HMBOX1: variants seen among roughly 807,000 people sequenced by gnomAD.
HMBOX1 encodes homeobox containing 1.
In HMBOX1, 14 loss-of-function variants were observed where a neutral mutation model predicts 54.5. The observed-to-expected ratio is 0.26, with a 90% CI of 0.17 to 0.40. The LOEUF (loss-of-function observed/expected upper bound fraction) is 0.40, where lower values mean the gene tolerates loss of function less well. Ranked by LOEUF, HMBOX1 falls within the 10% of genes least tolerant of loss-of-function variation. The pLI is 1.00. For synonymous variants in HMBOX1, 160 were observed against 181.0 expected (o/e 0.88, Z 0.93); for missense variants, 332 against 514.4 (o/e 0.65, Z 3.43).
At chr8:28,955,562 A>G (rs1458243998) in intron 1 of HMBOX1, among the ~76,000 whole-genome samples, 1 of 151,900 alleles carries the variant, frequency 6.6e-6, no homozygotes, top group African/African-American at 2.4e-5. Flanking sequence ...ACTTGATAAA[A>G]CTCTAATTCT....
chr8:29,017,764 G>T (rs556962565), intron 5 of HMBOX1, among the ~76,000 whole-genome samples: 3 of 152,240 alleles, frequency 2.0e-5, no homozygotes, highest in Admixed American at 2.0e-4. Context: ...TTAAGAAGGG[G>T]ATCTACAATA....
chr8:28,965,243 G>T (rs139997681), intron 2 of HMBOX1, among the ~76,000 whole-genome samples: 1 of 152,324 alleles, frequency 6.6e-6, no homozygotes, highest in Non-Finnish European at 1.5e-5. Flanking sequence ...GTGATCTCCA[G>T]TTTTCTCATT....
intron 4 of HMBOX1, among the ~76,000 whole-genome samples, chr8:28,991,853 A>G (rs145475103): frequency 6.6e-6 from 1 of 152,184 alleles, no homozygotes; most frequent in African/African-American, 2.4e-5. Context: ...ACTAGCCTGC[A>G]CCCTCTTAGC....
intron 5 of HMBOX1, among the ~76,000 whole-genome samples, chr8:29,011,362 T>C (rs970696719): frequency 4.6e-5 from 7 of 152,372 alleles, no homozygotes; most frequent in Admixed American, 1.3e-4. Flanking sequence ...CCACCAGATC[T>C]TTTCTTTGCA....
intron 6 of HMBOX1, among the ~76,000 whole-genome samples, chr8:29,042,229 A>C (rs947196974): frequency 3.3e-5 from 5 of 152,162 alleles, no homozygotes; most frequent in African/African-American, 1.2e-4. Context: ...GCAGGAAAGA[A>C]AGGAGAGTTG....
In HMBOX1 at chr8:28,919,083, A is replaced by G. The variant is rs1030169681; in HGVS notation, c.-58+28405A>G. Among the ~76,000 whole-genome samples, 4 of 152,192 alleles carry G rather than the reference A, an allele frequency of 2.6e-5. No homozygotes were observed. The South Asian group carries it at 8.3e-4, about 31-fold the overall frequency. The stretch of plus-strand genomic sequence containing the variant: ...TGACTGCTCAGTGTTCATGTCATAA[A>G]TTTTTCTCCATTGGTGAAGGATTAA... On this transcript the variant is annotated intron_variant, in intron 1 of 9. Transcript: ENST00000287701.
intron 6 of HMBOX1, among the ~76,000 whole-genome samples, chr8:29,043,714 A>G (rs148475101): frequency 6.6e-6 from 1 of 152,336 alleles, no homozygotes; most frequent in African/African-American, 2.4e-5. Flanking sequence ...AGATTCTGCC[A>G]TTCTAACTGG....
intron 1 of HMBOX1, among the ~76,000 whole-genome samples, chr8:28,941,098 ACCTAAGCCTAGT>A (rs1424097810): frequency 7.2e-5 from 11 of 152,198 alleles, no homozygotes; most frequent in Admixed American, 3.3e-4. Context: ...AAGAAAAATT[ACCTAAGCCTAGT>A]CCTCATATTT....
At position 28,970,323 on chromosome 8, in the gene HMBOX1, A is replaced by G. The variant is rs1361344936; in HGVS notation, c.304A>G (p.Ser102Gly). 1 of 1,614,200 alleles carries G rather than the reference A, an allele frequency of 6.2e-7. No homozygotes were observed. Among genetic ancestry groups the G allele is most frequent in the Non-Finnish European group, 8.5e-7 (1 of 1,180,018 alleles). The change falls in exon 3 of 10, where the codon AGC becomes GGC. Residue 102 changes from serine to glycine, a missense_variant. This residue lies in a region of HMBOX1 where 146 missense variants were observed against 173.3 expected (regional missense o/e 0.84). Coordinates refer to ENST00000287701, the MANE Select transcript of HMBOX1 (RefSeq NM_001135726.3). This position sits in a 1 kb window ranked among gnomAD's most constrained non-coding sequence, Gnocchi z 4.3. ...TQHSGMSPSP[S>G]NSYDTSPQPC... ...GCATTCGGGAATGTCCCCGTCACCT[A>G]GCAACAGTTATGATACTTCCCCACA...
intron 1 of HMBOX1, among the ~76,000 whole-genome samples, chr8:28,900,114 C>T (rs946942983): frequency 1.3e-5 from 2 of 150,978 alleles, no homozygotes; most frequent in Non-Finnish European, 3.0e-5. Context: ...AGCTGGGCAT[C>T]ATGGCGCGCC....
At chr8:28,909,156 G>T (rs1230432649) in intron 1 of HMBOX1, among the ~76,000 whole-genome samples, 1 of 151,726 alleles carries the variant, frequency 6.6e-6, no homozygotes, top group Non-Finnish European at 1.5e-5. Context: ...GCATTTGAAA[G>T]CATGTTTATG....
intron 1 of HMBOX1, among the ~76,000 whole-genome samples, chr8:28,944,037 G>A (rs550208259): frequency 2.0e-5 from 3 of 152,124 alleles, no homozygotes; most frequent in South Asian, 4.1e-4. Flanking sequence ...TTTCTCTAGC[G>A]CTGACTTTCT....
At chr8:29,046,933 A>G (rs1016619163) in intron 7 of HMBOX1, among the ~76,000 whole-genome samples, 1 of 152,298 alleles carries the variant, frequency 6.6e-6, no homozygotes, top group Non-Finnish European at 1.5e-5. Context: ...AGTGAGCTAT[A>G]ATTGCACCAC....
intron 1 of HMBOX1, among the ~76,000 whole-genome samples, chr8:28,928,863 A>G (rs1183246698): frequency 6.6e-6 from 1 of 152,224 alleles, no homozygotes; most frequent in Non-Finnish European, 1.5e-5. Flanking sequence ...GAAATAGAAT[A>G]GAAGGGAAAG....
At chr8:29,007,194 C>T (rs1052356222) in intron 4 of HMBOX1, among the ~76,000 whole-genome samples, 4 of 151,530 alleles carry the variant, frequency 2.6e-5, no homozygotes, top group East Asian at 2.0e-4. Flanking sequence ...GAGGCTGAGG[C>T]GGGGGAATCG....
At chr8:29,039,648 C>T (rs1804529407) in intron 6 of HMBOX1, among the ~76,000 whole-genome samples, 2 of 151,964 alleles carry the variant, frequency 1.3e-5, no homozygotes, top group Admixed American at 6.6e-5. Context: ...GCTTAAATAC[C>T]TCCTTTTGTG....
intron 1 of HMBOX1, among the ~76,000 whole-genome samples, chr8:28,925,749 T>A (rs1048979738): frequency 5.3e-5 from 8 of 152,126 alleles, no homozygotes; most frequent in African/African-American, 1.4e-4. Flanking sequence ...TTTCAAGAAA[T>A]CTTTTTATTT....
intron 1 of HMBOX1, among the ~76,000 whole-genome samples, chr8:28,914,537 C>T (rs927080461): frequency 3.3e-5 from 5 of 152,174 alleles, no homozygotes; most frequent in South Asian, 2.1e-4. Context: ...TCTGAACACA[C>T]GCCTTCACTT....
At chr8:28,968,429 G>A (rs1826812872) in intron 2 of HMBOX1, among the ~76,000 whole-genome samples, 1 of 152,210 alleles carries the variant, frequency 6.6e-6, no homozygotes, top group South Asian at 2.1e-4. Flanking sequence ...GAGTCAATAA[G>A]ATCTAGGCTT....
Sources: gnomAD v4.1 joint callset for allele counts (sites outside exome capture counted in the v4.1 genomes callset) on GRCh38, gnomAD v4.1.1 for gene constraint, gnomAD v4.1.1 regional missense constraint, Gnocchi (gnomAD v3.1) non-coding constraint, MANE v1.5 for transcripts, NCBI Gene and HGNC (gene_info 2026-07-23, HGNC 2026-07-21) for gene names.